RTF1: variants seen among roughly 807,000 people sequenced by gnomAD.
The protein encoded by RTF1 is RTF1 homolog, Paf1/RNA polymerase II complex component.
Under a neutral mutation model 95.7 loss-of-function variants are expected in RTF1, and 10 were observed. The observed-to-expected ratio is 0.10, with a 90% CI of 0.06 to 0.18. The LOEUF is 0.18. Ranked by LOEUF, RTF1 falls within the 10% of genes least tolerant of loss-of-function variation. The pLI, the probability that RTF1 is intolerant of heterozygous loss-of-function variation, is 1.00. For missense variants in RTF1, 458 were observed against 875.6 expected, an observed-to-expected ratio of 0.52 and a Z score of 6.02; for synonymous variants, 305 against 311.8, an observed-to-expected ratio of 0.98 and a Z score of 0.23.
In RTF1 at chr15:41,480,328, AT is replaced by A. The variant is rs1330002377; in HGVS notation, c.2026+4del. The A allele has an allele frequency of 1.3e-5, 21 of 1,565,082 alleles. No individual in the cohort carries two copies. Among genetic ancestry groups the A allele is most frequent in the Non-Finnish European group, 1.8e-5 (21 of 1,135,862 alleles). The stretch of plus-strand genomic sequence containing the variant: ...TGACTTACAAGTTCCCAGCTCAGGT[AT>A]GTGAGGGTGGGGCGGGTGGTGAGGG... On this transcript the variant is annotated splice_donor_region_variant and intron_variant, in intron 17 of 17. Transcript: ENST00000389629.
intron 1 of RTF1, among the ~76,000 whole-genome samples, chr15:41,429,396 C>T (rs1249930378): frequency 6.6e-5 from 10 of 151,884 alleles, no homozygotes; most frequent in Admixed American, 6.6e-4. Flanking sequence ...GTACTTCCAC[C>T]CTGGCCCCTC....
At chr15:41,478,924 CT>C (rs1168427927) in intron 15 of RTF1, 178 bp from the exon 16 acceptor site, 2 of 604,384 alleles carry the variant, frequency 3.3e-6, no homozygotes, top group African/African-American at 3.8e-5. Context: ...CTGGGCTTGG[CT>C]TTCAAGCTTG....
chr15:41,437,555 G>A (rs1171936711), intron 1 of RTF1, among the ~76,000 whole-genome samples: 2 of 152,084 alleles, frequency 1.3e-5, no homozygotes, highest in Non-Finnish European at 2.9e-5. Flanking sequence ...ATTGTGGACT[G>A]GTATTGGTAT....
intron 3 of RTF1, among the ~76,000 whole-genome samples, chr15:41,455,889 A>C (rs986154655): frequency 6.6e-6 from 1 of 151,854 alleles, no homozygotes; most frequent in African/African-American, 2.4e-5. Context: ...AGATACACCA[A>C]AATCTCAGAA....
At chr15:41,478,943 C>CT (rs374560005) in intron 15 of RTF1, 160 bp from the exon 16 acceptor site, 27,949 of 506,814 alleles carry the variant, frequency 0.055, 193 homozygotes, top group African/African-American at 0.088. Flanking sequence ...TTGTAATTGC[C>CT]TTTTTTTTTT....
intron 2 of RTF1, among the ~76,000 whole-genome samples, chr15:41,439,277 A>G (rs1288478537): frequency 6.6e-6 from 1 of 151,586 alleles, no homozygotes; most frequent in Non-Finnish European, 1.5e-5. Context: ...CTCGTGATCC[A>G]CCCACCTTGG....
Position 41,462,093 on chromosome 15 carries a change from G to A in RTF1, c.663-2678G>A, listed in dbSNP as rs191880707. Among the ~76,000 whole-genome samples the A allele has an allele frequency of 1.6e-4, 24 of 152,016 alleles. No homozygotes were observed. The East Asian group carries it at 3.5e-3, about 22-fold the overall frequency. On this transcript the variant is annotated intron_variant, in intron 4 of 17. Coordinates refer to ENST00000389629, the MANE Select transcript of RTF1 (RefSeq NM_015138.5). ...TTAGTGACTATAAGAATGGTTTAGTGTGCTGATTATTAAGACAGAGGTTCA... is the reference window on the plus strand; with the variant it reads ...TTAGTGACTATAAGAATGGTTTAGTATGCTGATTATTAAGACAGAGGTTCA...
chr15:41,422,223 A>G lies in RTF1; in HGVS notation c.198+4910A>G, dbSNP rs143978234. 7.8e-3 allele frequency among the ~76,000 whole-genome samples: 1,186 copies of G among 152,012 alleles called. 20 individuals carry two copies. Among genetic ancestry groups the G allele is most frequent in the African/African-American group, 0.027 (1,121 of 41,436 alleles). ...CTAATTTTTTGTATTTTCAGTAGAG[A>G]CGCTATGTTGGCCAGACTGGTCTCT... On this transcript the variant is annotated intron_variant, in intron 1 of 17. Coordinates refer to ENST00000389629, the MANE Select transcript of RTF1 (RefSeq NM_015138.5).
intron 8 of RTF1, among the ~76,000 whole-genome samples, chr15:41,473,259 G>A (rs1214611904): frequency 2.7e-5 from 4 of 150,680 alleles, no homozygotes; most frequent in South Asian, 2.1e-4. Context: ...TCAGCCTCCC[G>A]AGTAGCTGGG....
At chr15:41,451,801 A>G (rs531021610) in intron 2 of RTF1, among the ~76,000 whole-genome samples, 2 of 152,298 alleles carry the variant, frequency 1.3e-5, no homozygotes. Context: ...AAACCCAGAC[A>G]TATCAGCCAT....
chr15:41,474,967 C>T (rs2050935171), intron 9 of RTF1, among the ~76,000 whole-genome samples: 1 of 152,166 alleles, frequency 6.6e-6, no homozygotes, highest in South Asian at 2.1e-4. Flanking sequence ...CCCAGAGCCT[C>T]GCTGGCATTT....
chr15:41,446,888 C>G (rs921363244), intron 2 of RTF1, among the ~76,000 whole-genome samples: 25 of 151,984 alleles, frequency 1.6e-4, no homozygotes, highest in Admixed American at 7.2e-4. Context: ...CTGCAACCTC[C>G]ACCTCCCAGG....
intron 4 of RTF1, among the ~76,000 whole-genome samples, chr15:41,460,835 A>G (rs2050844081): frequency 6.6e-6 from 1 of 151,462 alleles, no homozygotes. Context: ...CTGGGACTAC[A>G]GGCTGTAGGC....
intron 2 of RTF1, among the ~76,000 whole-genome samples, chr15:41,450,774 A>T (rs564182630): frequency 6.6e-6 from 1 of 151,920 alleles, no homozygotes; most frequent in South Asian, 2.1e-4. Context: ...ACATAGCAAG[A>T]CCCTGTCTCT....
At chr15:41,422,318 T>C (rs1262198499) in intron 1 of RTF1, among the ~76,000 whole-genome samples, 2 of 152,194 alleles carry the variant, frequency 1.3e-5, no homozygotes, top group Non-Finnish European at 2.9e-5. Flanking sequence ...AACTAAGACC[T>C]AGTTTGAGAG....
intron 16 of RTF1, among the ~76,000 whole-genome samples, chr15:41,479,551 A>G (rs1251281242): frequency 6.6e-6 from 1 of 152,194 alleles, no homozygotes; most frequent in Admixed American, 6.5e-5. Flanking sequence ...AAGCTTGTTG[A>G]AAATGGCACA....
chr15:41,469,187 G>C (rs1433413861), intron 6 of RTF1, among the ~76,000 whole-genome samples: 1 of 151,984 alleles, frequency 6.6e-6, no homozygotes, highest in East Asian at 1.9e-4. Context: ...GGGTGGTCTT[G>C]AACTCCTGAC....
chr15:41,478,604 C>T lies in RTF1; in HGVS notation c.1797C>T (p.Cys599=). 1 of 1,613,854 alleles carries T rather than the reference C, an allele frequency of 6.2e-7. No individual in the cohort carries two copies. Among genetic ancestry groups the T allele is most frequent in the Non-Finnish European group, 8.5e-7 (1 of 1,179,936 alleles). Residue 599 remains cysteine, a synonymous_variant, in exon 15 of 18, where the codon TGC becomes TGT. Transcript: ENST00000389629. ...TGGATCCCTTTACTCGGCGGCAGTG[C>T]AAGCCTACCATCGTTTCTAATGTGA... ...QQMDPFTRRQ[C]KPTIVSNSRD...
At chr15:41,470,559 A>G (rs2050904959) in intron 7 of RTF1, among the ~76,000 whole-genome samples, 167 bp downstream of exon 7, 2 of 151,354 alleles carry the variant, frequency 1.3e-5, no homozygotes, top group South Asian at 4.2e-4. Flanking sequence ...TTTGGCTGCT[A>G]GCCTGTACGC....
Sources: allele counts gnomAD v4.1 joint callset (sites outside exome capture counted in the v4.1 genomes callset), GRCh38; gene constraint gnomAD v4.1.1; transcripts MANE v1.5; gene names NCBI Gene and HGNC (gene_info 2026-07-23, HGNC 2026-07-21).